RASAL2: variants seen among roughly 807,000 people sequenced by gnomAD.
The protein encoded by RASAL2 is RAS protein activator like 2.
Under a neutral mutation model 128.9 loss-of-function variants are expected in RASAL2, and 58 were observed. That is an observed-to-expected ratio of 0.45 (90% CI 0.36 to 0.56). RASAL2 has a LOEUF of 0.56. Among genes scored for constraint, RASAL2 ranks in the 20% least tolerant of loss-of-function variants. The probability of loss-of-function intolerance (pLI) is 0.00; values close to 1 mark genes in which losing one functional copy is unlikely to be tolerated. For missense variants in RASAL2, 1,360 were observed against 1,601.6 expected, an observed-to-expected ratio of 0.85 and a Z score of 2.57; for synonymous variants, 561 against 580.8, an observed-to-expected ratio of 0.97 and a Z score of 0.49.
In RASAL2 at chr1:178,132,657, G is replaced by C. The variant is rs1660163366; in HGVS notation, c.202+37963G>C. Among the ~76,000 whole-genome samples, 5 of 152,232 alleles carry C rather than the reference G, an allele frequency of 3.3e-5. No individual in the cohort carries two copies. In the South Asian group the frequency reaches 1.0e-3, roughly 32 times the overall value. The stretch of plus-strand genomic sequence containing the variant: ...TCTTTGGGTATTTAACTTGGAGGTA[G>C]AATTTGAATAGCAAGATGGATTTTA... On this transcript the variant is annotated intron_variant, in intron 1 of 17. Coordinates refer to ENST00000367649, the MANE Select transcript of RASAL2 (RefSeq NM_170692.4).
chr1:178,125,727 G>T (rs1433009712), intron 1 of RASAL2, among the ~76,000 whole-genome samples: 4 of 151,166 alleles, frequency 2.6e-5, no homozygotes, highest in African/African-American at 9.7e-5. Context: ...TGTTTAGTTA[G>T]TTATTTTTCA....
At chr1:178,315,959 A>AT (rs1393315878) in intron 3 of RASAL2, among the ~76,000 whole-genome samples, 1 of 17,432 alleles carries the variant, frequency 5.7e-5, no homozygotes, top group Admixed American at 7.5e-4. Flanking sequence ...TCTTGAATTG[A>AT]TTTTTGTATA....
intron 3 of RASAL2, among the ~76,000 whole-genome samples, chr1:178,345,649 G>C (rs1670113031): frequency 1.3e-5 from 2 of 152,136 alleles, no homozygotes; most frequent in South Asian, 2.1e-4. Context: ...GAGAAGGTAA[G>C]ATGTCTGGGT....
At chr1:178,451,052 T>C (rs1179883115) in intron 9 of RASAL2, among the ~76,000 whole-genome samples, 1 of 152,192 alleles carries the variant, frequency 6.6e-6, no homozygotes, top group Non-Finnish European at 1.5e-5. Flanking sequence ...GGAGATCTGC[T>C]ATATTATTGT....
intron 1 of RASAL2, among the ~76,000 whole-genome samples, chr1:178,204,205 G>A (rs1264138979): frequency 6.6e-6 from 1 of 152,178 alleles, no homozygotes; most frequent in Admixed American, 6.5e-5. Flanking sequence ...AATAACATTT[G>A]GGTTGGGGAT....
At chr1:178,458,671 A>T in intron 14 of RASAL2, 127 bp downstream of exon 14, 1 of 1,335,492 alleles carries the variant, frequency 7.5e-7, no homozygotes, top group Non-Finnish European at 1.0e-6. Context: ...CTTTAAATGG[A>T]AAGAGGAAAG....
chr1:178,217,441 A>T lies in RASAL2; in HGVS notation c.203-66123A>T, dbSNP rs990861041. On this transcript the variant is annotated intron_variant, in intron 1 of 17. Coordinates refer to ENST00000367649, the MANE Select transcript of RASAL2 (RefSeq NM_170692.4). Reference sequence around the variant, plus strand: ...ATAGATGAACCCACATCAACACATCATCACCACCCAAAGTTCATAATTCCA... The same window carrying T: ...ATAGATGAACCCACATCAACACATCTTCACCACCCAAAGTTCATAATTCCA... Among the ~76,000 whole-genome samples, 7 of 152,306 alleles carry T rather than the reference A, an allele frequency of 4.6e-5. No homozygotes were observed. In the East Asian group the frequency reaches 1.4e-3, roughly 29 times the overall value.
intron 4 of RASAL2, among the ~76,000 whole-genome samples, chr1:178,400,260 C>A (rs1047889955): frequency 1.3e-5 from 2 of 152,126 alleles, no homozygotes; most frequent in South Asian, 4.1e-4. Context: ...TCTCTTCAGT[C>A]CTGAGTTCCA....
intron 1 of RASAL2, among the ~76,000 whole-genome samples, chr1:178,219,426 T>C (rs1241672183): frequency 6.6e-6 from 1 of 151,946 alleles, no homozygotes; most frequent in East Asian, 1.9e-4. Context: ...GGCTGGTGGA[T>C]CGCTTGAGCT....
intron 1 of RASAL2, among the ~76,000 whole-genome samples, chr1:178,192,552 C>G (rs1281303404): frequency 1.3e-5 from 2 of 152,052 alleles, no homozygotes; most frequent in African/African-American, 2.4e-5. Context: ...GATTTATTTT[C>G]TTTAAACAAA....
At chr1:178,122,242 AG>A (rs1262758740) in intron 1 of RASAL2, among the ~76,000 whole-genome samples, 4 of 152,328 alleles carry the variant, frequency 2.6e-5, no homozygotes, top group African/African-American at 9.6e-5. Flanking sequence ...TAAAAACATC[AG>A]TGTGCTTTAT....
At chr1:178,096,489 A>AGTGTGT (rs1558050974) in intron 1 of RASAL2, among the ~76,000 whole-genome samples, 1 of 136,174 alleles carries the variant, frequency 7.3e-6, no homozygotes, top group Non-Finnish European at 1.6e-5. Context: ...TGTGTGTGTA[A>AGTGTGT]GAGAGAGAGA....
chr1:178,442,480 A>G (rs995580123), intron 7 of RASAL2, among the ~76,000 whole-genome samples, 195 bp from the exon 8 acceptor site: 1 of 152,104 alleles, frequency 6.6e-6, no homozygotes, highest in African/African-American at 2.4e-5. Context: ...ATAATGAACT[A>G]TATATAATTC....
intron 14 of RASAL2, among the ~76,000 whole-genome samples, chr1:178,462,302 A>G (rs547183941): frequency 3.3e-5 from 5 of 152,202 alleles, no homozygotes; most frequent in Non-Finnish European, 7.4e-5. Flanking sequence ...GTAATAAATT[A>G]TATTTTAGTA....
chr1:178,330,980 G>A (rs1204743816), intron 3 of RASAL2, among the ~76,000 whole-genome samples: 1 of 152,126 alleles, frequency 6.6e-6, no homozygotes, highest in Non-Finnish European at 1.5e-5. Flanking sequence ...ACCCTATAAG[G>A]TGGGTACTGT....
At chr1:178,167,436 A>C (rs1320678843) in intron 1 of RASAL2, among the ~76,000 whole-genome samples, 5 of 152,132 alleles carry the variant, frequency 3.3e-5, no homozygotes, top group Admixed American at 3.3e-4. Context: ...ATAAAATTTC[A>C]GTTACTTAAT....
At chr1:178,184,797 A>G (rs967303890) in intron 1 of RASAL2, among the ~76,000 whole-genome samples, 2 of 152,026 alleles carry the variant, frequency 1.3e-5, no homozygotes, top group Admixed American at 1.3e-4. Context: ...TGGTTATTCT[A>G]GGTCTTTTCC....
intron 1 of RASAL2, among the ~76,000 whole-genome samples, chr1:178,231,076 G>A (rs1330605083): frequency 1.3e-5 from 2 of 152,060 alleles, no homozygotes; most frequent in Non-Finnish European, 1.5e-5. Flanking sequence ...ATCTTATCGG[G>A]AAGCTGCTGA....
At chr1:178,294,238 C>T (rs1406691470) in intron 2 of RASAL2, among the ~76,000 whole-genome samples, 1 of 152,140 alleles carries the variant, frequency 6.6e-6, no homozygotes, top group Non-Finnish European at 1.5e-5. Flanking sequence ...AAGCCCTGTA[C>T]AACAGATACA....
Sources: gnomAD v4.1 joint callset for allele counts (sites outside exome capture counted in the v4.1 genomes callset) on GRCh38, gnomAD v4.1.1 for gene constraint, MANE v1.5 for transcripts, NCBI Gene and HGNC (gene_info 2026-07-23, HGNC 2026-07-21) for gene names.